Variants in GAB2 observed in about 807,000 individuals in gnomAD.
The protein encoded by GAB2 is GRB2 associated binding protein 2.
Under a neutral mutation model 65.5 loss-of-function variants are expected in GAB2, and 26 were observed. The observed-to-expected ratio is 0.40, with a 90% CI of 0.29 to 0.55. The LOEUF (loss-of-function observed/expected upper bound fraction) is 0.55. Ranked by LOEUF, GAB2 falls within the 20% of genes least tolerant of loss-of-function variation. GAB2 has a pLI of 0.53. For synonymous variants in GAB2, 321 were observed against 329.6 expected, an observed-to-expected ratio of 0.97 and a Z score of 0.28; for missense variants, 884 against 875.8, an observed-to-expected ratio of 1.01 and a Z score of -0.12.
intron 1 of GAB2, among the ~76,000 whole-genome samples, chr11:78,382,005 C>A (rs1856703783): frequency 6.6e-6 from 1 of 152,252 alleles, no homozygotes; most frequent in Non-Finnish European, 1.5e-5. Context: ...CCATTCTCAT[C>A]ATTCCAGCGT....
At chr11:78,408,533 T>C (rs901058772) in intron 1 of GAB2, among the ~76,000 whole-genome samples, 2 of 152,166 alleles carry the variant, frequency 1.3e-5, no homozygotes, top group Admixed American at 6.5e-5. Flanking sequence ...CTCTAGCATA[T>C]TAGAAATTAT....
At chr11:78,360,138 C>T (rs1189292875) in intron 1 of GAB2, among the ~76,000 whole-genome samples, 2 of 152,076 alleles carry the variant, frequency 1.3e-5, no homozygotes, top group Non-Finnish European at 2.9e-5. Context: ...CCAAAAGAGG[C>T]AAAAGATTTT....
At chr11:78,295,376 G>T (rs1399004310) in intron 1 of GAB2, among the ~76,000 whole-genome samples, 2 of 152,080 alleles carry the variant, frequency 1.3e-5, no homozygotes, top group Admixed American at 6.6e-5. Context: ...TAACTCAGGG[G>T]TCCTTTACAA....
chr11:78,287,355 T>C (rs1324711787), intron 1 of GAB2, among the ~76,000 whole-genome samples: 1 of 142,150 alleles, frequency 7.0e-6, no homozygotes, highest in Non-Finnish European at 1.5e-5. Context: ...CATGGCTCAC[T>C]GCAGCCTCAA....
chr11:78,304,656 G>T (rs1855313922), intron 1 of GAB2, among the ~76,000 whole-genome samples: 1 of 152,164 alleles, frequency 6.6e-6, no homozygotes, highest in Non-Finnish European at 1.5e-5. Context: ...AGCCCTCAGA[G>T]AAACTGTAGT....
chr11:78,331,108 G>A (rs1330998027), intron 1 of GAB2, among the ~76,000 whole-genome samples: 3 of 152,006 alleles, frequency 2.0e-5, no homozygotes, highest in South Asian at 4.1e-4. Flanking sequence ...CCGGGAGGTG[G>A]AGGTTGCAGT....
chr11:78,229,663 C>T lies in GAB2; in HGVS notation c.621-2612G>A, dbSNP rs114822216. Reference sequence around the variant, plus strand: ...TTCCCAGTGTAAACATTTTCAACACCGCCTCAATGCTTCAGGATTAAGCCC... The same window carrying T: ...TTCCCAGTGTAAACATTTTCAACACTGCCTCAATGCTTCAGGATTAAGCCC... On this transcript the variant is annotated intron_variant, in intron 3 of 9. Coordinates refer to ENST00000361507, the MANE Select transcript of GAB2 (RefSeq NM_080491.3). Among the ~76,000 whole-genome samples, 1,195 of 152,250 alleles carry T rather than the reference C, an allele frequency of 7.8e-3. 14 individuals carry two copies. The highest frequency in any genetic ancestry group is 0.027 in the African/African-American group (1,132 of 41,536).
chr11:78,386,539 C>G (rs1178791809), intron 1 of GAB2, among the ~76,000 whole-genome samples: 1 of 152,126 alleles, frequency 6.6e-6, no homozygotes, highest in African/African-American at 2.4e-5. Context: ...TGGAGGCTTT[C>G]AAACTGGTGC....
intron 1 of GAB2, among the ~76,000 whole-genome samples, chr11:78,358,317 G>A (rs1403328109): frequency 6.8e-6 from 1 of 146,276 alleles, no homozygotes; most frequent in Non-Finnish European, 1.5e-5. Flanking sequence ...AGGGGAGAGG[G>A]ATAGCATTAG....
At position 78,258,930 on chromosome 11, in the gene GAB2, T is replaced by C. The variant is rs138667968; in HGVS notation, c.377-8530A>G. On this transcript the variant is annotated intron_variant, in intron 2 of 9. Transcript: ENST00000361507. ...GTGCATGTTTGTTATGTAGGTAAAC[T>C]TGTGTCATGGGGGTTTGATGTACAG... Among the ~76,000 whole-genome samples, 160 of 152,278 alleles carry C rather than the reference T, an allele frequency of 1.1e-3. 3 individuals are homozygous for C. The East Asian group carries it at 0.022, about 21-fold the overall frequency.
In GAB2 at chr11:78,223,556, C is replaced by T. The variant is rs116390020; in HGVS notation, c.1423G>A (p.Val475Ile). ...GCCCCTGGGCTCATTGGGATGTAGA[C>T]GCTCTGGGAATTATCACCTGCTCGT... ...MERAGDNSQS[V>I]YIPMSPGAHH... Residue 475 changes from valine to isoleucine, a missense_variant, in exon 6 of 10, where the codon GTC (valine) becomes ATC (isoleucine). Val to Ile is a conservative substitution (Grantham distance 29). Coordinates refer to ENST00000361507, the MANE Select transcript of GAB2 (RefSeq NM_080491.3). 295 of 1,613,760 alleles carry T rather than the reference C, an allele frequency of 1.8e-4. No individual in the cohort carries two copies. In the East Asian group the frequency reaches 5.1e-3, roughly 28 times the overall value.
chr11:78,373,838 G>C (rs1856601823), intron 1 of GAB2, among the ~76,000 whole-genome samples: 1 of 152,094 alleles, frequency 6.6e-6, no homozygotes, highest in African/African-American at 2.4e-5. Flanking sequence ...TGTTCAGTTT[G>C]GGGACAGAAT....
intron 1 of GAB2, among the ~76,000 whole-genome samples, chr11:78,413,188 A>G (rs1460739059): frequency 2.6e-5 from 4 of 152,222 alleles, no homozygotes; most frequent in Non-Finnish European, 5.9e-5. Context: ...AGTTCAGAAC[A>G]CAACTCTGAG....
chr11:78,235,443 C>T (rs918227239), intron 3 of GAB2, among the ~76,000 whole-genome samples: 2 of 152,156 alleles, frequency 1.3e-5, no homozygotes, highest in East Asian at 1.9e-4. Context: ...TGAGCCACTG[C>T]GCCCGGCTGG....
chr11:78,289,512 G>A (rs957407262), intron 1 of GAB2, among the ~76,000 whole-genome samples: 2 of 152,178 alleles, frequency 1.3e-5, no homozygotes, highest in Non-Finnish European at 2.9e-5. Flanking sequence ...TGTGTTGAAT[G>A]CTTTGACAGA....
chr11:78,352,322 G>T (rs1175938326), intron 1 of GAB2, among the ~76,000 whole-genome samples: 1 of 152,220 alleles, frequency 6.6e-6, no homozygotes, highest in Non-Finnish European at 1.5e-5. Context: ...CCTGGATCAG[G>T]CTCTTAAATC....
At chr11:78,340,491 A>G (rs1312743329) in intron 1 of GAB2, among the ~76,000 whole-genome samples, 1 of 152,034 alleles carries the variant, frequency 6.6e-6, no homozygotes, top group African/African-American at 2.4e-5. Flanking sequence ...TTCCTGTGTC[A>G]TTCCTCCTAT....
chr11:78,239,704 A>G (rs1031109956), intron 3 of GAB2, among the ~76,000 whole-genome samples: 8 of 152,152 alleles, frequency 5.3e-5, no homozygotes, highest in African/African-American at 1.9e-4. Context: ...TTTGGTGAGA[A>G]GGTAGGCAAG....
intron 1 of GAB2, among the ~76,000 whole-genome samples, chr11:78,306,306 C>T (rs1032106103): frequency 2.6e-5 from 4 of 152,192 alleles, no homozygotes; most frequent in Non-Finnish European, 4.4e-5. Flanking sequence ...CCTTGGCTCA[C>T]TGCAACCTCC....
Sources: allele counts gnomAD v4.1 joint callset (sites outside exome capture counted in the v4.1 genomes callset), GRCh38; gene constraint gnomAD v4.1.1; transcripts MANE v1.5; gene names NCBI Gene and HGNC (gene_info 2026-07-23, HGNC 2026-07-21).